Variants in ZNF69 observed in about 807,000 individuals in gnomAD.
ZNF69 encodes ZNF3.
Under a neutral mutation model 50.9 loss-of-function variants are expected in ZNF69, and 47 were observed. The observed-to-expected ratio is 0.92, with a 90% confidence interval of 0.73 to 1.18. ZNF69 has a LOEUF of 1.18. ZNF69 is among the 50% of genes most tolerant of loss of function. The pLI is 0.00. For missense variants in ZNF69, 717 were observed against 675.1 expected (o/e 1.06, Z -0.69); for synonymous variants, 216 against 223.1 (o/e 0.97, Z 0.29).
the ZNF69 span, among the ~76,000 whole-genome samples, chr19:11,936,301 C>G: frequency 6.6e-6 from 1 of 152,196 alleles, no homozygotes; most frequent in Non-Finnish European, 1.5e-5. Context: ...TACAGTCCCA[C>G]CAACAGTGTA....
the ZNF69 span, among the ~76,000 whole-genome samples, chr19:11,937,301 A>C: frequency 2.0e-5 from 3 of 152,092 alleles, no homozygotes; most frequent in African/African-American, 2.4e-5. Flanking sequence ...TTGCTAATCC[A>C]GGTGTTTCAG....
the ZNF69 span, chr19:11,947,466 C>A: frequency 6.2e-7 from 1 of 1,602,386 alleles, no homozygotes; most frequent in African/African-American, 1.3e-5. Flanking sequence ...ATAATTTTTT[C>A]ACAATTTTAT....
At chr19:11,930,301 T>C in the ZNF69 span, among the ~76,000 whole-genome samples, 3 of 148,444 alleles carry the variant, frequency 2.0e-5, 1 homozygote, top group South Asian at 4.2e-4. Context: ...GAGAGAAATA[T>C]CCCAAAAGAC....
chr19:11,924,859 C>G, the ZNF69 span, among the ~76,000 whole-genome samples: 2 of 152,214 alleles, frequency 1.3e-5, no homozygotes, highest in African/African-American at 2.4e-5. Flanking sequence ...GTGAGGATGA[C>G]GCTAGTGTTC....
At chr19:11,890,835 TAAATGCTTGATTGG>T (rs1977067995) in intron 1 of ZNF69, among the ~76,000 whole-genome samples, 1 of 152,206 alleles carries the variant, frequency 6.6e-6, no homozygotes, top group South Asian at 2.1e-4. Flanking sequence ...ACAAACCAGA[TAAATGCTTGATTGG>T]TTGCAGAGAT....
At chr19:11,915,247 C>T (rs555914694), downstream of ZNF69, among the ~76,000 whole-genome samples, 7 of 152,236 alleles carry the variant, frequency 4.6e-5, no homozygotes, top group African/African-American at 1.7e-4. Flanking sequence ...GAATTCAACC[C>T]CTGCCTCATC....
chr19:11,887,907 ACT>A lies in ZNF69; in HGVS notation c.-14_-13del, dbSNP rs765376141. The A allele has an allele frequency of 5.2e-5, 83 of 1,608,270 alleles. No individual in the cohort carries two copies. Among genetic ancestry groups the A allele is most frequent in the Non-Finnish European group, 6.4e-5 (75 of 1,176,614 alleles). ...TGGTTCCTCTGCCCAGGCTTCTGTC[ACT>A]CTGTCACCTACGCTATGCCCTGCTG... is the stretch of plus-strand genomic sequence containing the variant. On this transcript the variant is annotated 5_prime_UTR_variant, in exon 1 of 4. Coordinates refer to ENST00000429654, the MANE Select transcript of ZNF69 (RefSeq NM_001364730.1).
the ZNF69 span, among the ~76,000 whole-genome samples, chr19:11,920,701 A>AAC: frequency 6.6e-6 from 1 of 152,140 alleles, no homozygotes; most frequent in Non-Finnish European, 1.5e-5. Flanking sequence ...CAGCCTGGAC[A>AAC]ACGTGGTGAA....
chr19:11,975,078 C>T, the ZNF69 span, among the ~76,000 whole-genome samples: 20 of 151,588 alleles, frequency 1.3e-4, no homozygotes, highest in East Asian at 9.7e-4. Context: ...TGTCATAGTA[C>T]GGGCCAAGAT....
In ZNF69 at chr19:11,905,937, G is replaced by C. The variant is rs1168257621; in HGVS notation, c.1540G>C (p.Ala514Pro). ...KLYECKQCGE[A>P]FSSSSSFRYH... The stretch of plus-strand genomic sequence containing the variant: ...CTATGAATGCAAGCAATGTGGTGAA[G>C]CCTTCAGTAGTTCCAGTTCCTTTCG... The change falls in exon 4 of 4, where the codon GCC (alanine) becomes CCC (proline). Residue 514 changes from alanine (A) to proline (P), a missense_variant. Transcript: ENST00000429654. The C allele has an allele frequency of 6.2e-7, 1 of 1,613,840 alleles. No individual in the cohort carries two copies. Among genetic ancestry groups the C allele is most frequent in the East Asian group, 2.2e-5 (1 of 44,882 alleles).
At chr19:11,906,731 G>A (rs1201259662), downstream of ZNF69, among the ~76,000 whole-genome samples, 3 of 152,222 alleles carry the variant, frequency 2.0e-5, no homozygotes, top group Admixed American at 6.5e-5. Flanking sequence ...AGAAACCAGA[G>A]CAGAAAAGCT....
chr19:11,919,237 C>A (rs977208186), downstream of ZNF69, among the ~76,000 whole-genome samples: 1 of 151,756 alleles, frequency 6.6e-6, no homozygotes, highest in Non-Finnish European at 1.5e-5. Flanking sequence ...TAGATAATTA[C>A]AATACTTTTC....
intron 2 of ZNF69, 84 bp from the exon 3 acceptor site, chr19:11,903,821 G>T: frequency 6.2e-7 from 1 of 1,604,966 alleles, no homozygotes; most frequent in Non-Finnish European, 8.5e-7. Context: ...AGGTATGGCT[G>T]CAGTAAATCA....
In ZNF69 at chr19:11,905,572, A is replaced by C; in HGVS notation, c.1175A>C (p.Gln392Pro). 6.2e-7 allele frequency: 1 copy of C among 1,614,062 alleles called. No homozygotes were observed. The highest frequency in any genetic ancestry group is 8.5e-7 in the Non-Finnish European group (1 of 1,180,000). ...HSGEKPYKCK[Q>P]CGKAFIHSSS... Reference sequence around the variant, plus strand: ...GGAGAGAAACCCTATAAATGCAAGCAATGTGGTAAAGCCTTCATTCATTCC... The same window carrying C: ...GGAGAGAAACCCTATAAATGCAAGCCATGTGGTAAAGCCTTCATTCATTCC... The change falls in exon 4 of 4, where the codon CAA becomes CCA. Residue 392 changes from glutamine to proline, a missense_variant. Transcript: ENST00000429654.
At chr19:11,896,688 G>A (rs1231214283) in intron 1 of ZNF69, among the ~76,000 whole-genome samples, 2 of 152,084 alleles carry the variant, frequency 1.3e-5, no homozygotes, top group African/African-American at 2.4e-5. Flanking sequence ...TATATTGGGG[G>A]TAGGTTATTA....
At chr19:11,918,775 A>G (rs913813882), downstream of ZNF69, among the ~76,000 whole-genome samples, 6 of 152,144 alleles carry the variant, frequency 3.9e-5, no homozygotes, top group Admixed American at 6.5e-5. Context: ...TTTTTTTAAA[A>G]CCAAGATATC....
At chr19:11,933,801 C>T in the ZNF69 span, among the ~76,000 whole-genome samples, 14,974 of 143,164 alleles carry the variant, frequency 0.1, 2,769 homozygotes, top group African/African-American at 0.3. Flanking sequence ...GCTGAGATGG[C>T]GCCACTGCAC....
the ZNF69 span, among the ~76,000 whole-genome samples, chr19:11,955,047 C>T: frequency 6.8e-6 from 1 of 146,466 alleles, no homozygotes; most frequent in Non-Finnish European, 1.5e-5. Context: ...TCTTGTTGCC[C>T]AGGCTGGAAT....
chr19:11,948,340 C>G, the ZNF69 span: 11 of 1,613,756 alleles, frequency 6.8e-6, no homozygotes, highest in African/African-American at 2.7e-5. Flanking sequence ...AACTTTTACC[C>G]AGGTTCCAGA....
Sources: allele counts gnomAD v4.1 joint callset (sites outside exome capture counted in the v4.1 genomes callset), GRCh38; gene constraint gnomAD v4.1.1; transcripts MANE v1.5; gene names NCBI Gene and HGNC (gene_info 2026-07-23, HGNC 2026-07-21).